Variants in C4orf33 observed in about 807,000 individuals in gnomAD.
C4orf33 encodes the protein chromosome 4 open reading frame 33.
A neutral mutation model predicts 24.3 loss-of-function variants in C4orf33; 20 were observed. The ratio of observed to expected loss-of-function variants is 0.82; its 90% confidence interval spans 0.58 to 1.19. The LOEUF (loss-of-function observed/expected upper bound fraction) is 1.19, where lower values mean the gene tolerates loss of function less well. C4orf33 is among the 50% of genes most tolerant of loss of function. C4orf33 has a pLI of 0.00. For missense variants in C4orf33, 207 were observed against 225.9 expected (o/e 0.92, Z 0.54); for synonymous variants, 67 against 76.4 (o/e 0.88, Z 0.64).
chr4:129,098,122 G>T (rs1427969779), intron 1 of C4orf33, among the ~76,000 whole-genome samples: 1 of 152,056 alleles, frequency 6.6e-6, no homozygotes, highest in African/African-American at 2.4e-5. Flanking sequence ...AAGGGAACTT[G>T]GGAAGGAGGT....
At chr4:129,093,876 T>G (rs139455782), upstream of C4orf33, 15 of 152,380 alleles carry the variant, frequency 9.8e-5, no homozygotes, top group African/African-American at 3.6e-4. Context: ...CCTCACTATC[T>G]TTGGGTTACT....
chr4:129,112,113 C>T lies in C4orf33; in HGVS notation c.*322C>T. 5.3e-6 allele frequency: 1 copy of T among 187,180 alleles called. No individual in the cohort carries two copies. Among genetic ancestry groups the T allele is most frequent in the East Asian group, 1.4e-4 (1 of 7,098 alleles). 11.6% of individuals were successfully genotyped at this position (187,180 alleles called of 1,614,324 possible). A position where few individuals can be genotyped will look rare whatever the true frequency, so the allele number is the denominator to read the frequency against. ...AACAATTGAGGTTGTCCAAGGCCACCTAGAGGACTGTCTTGCACTACCTTG... is the reference window on the plus strand; with the variant it reads ...AACAATTGAGGTTGTCCAAGGCCACTTAGAGGACTGTCTTGCACTACCTTG... On this transcript the variant is annotated 3_prime_UTR_variant, in exon 6 of 6. Coordinates refer to ENST00000425929, the MANE Select transcript of C4orf33 (RefSeq NM_001099783.2).
intron 1 of C4orf33, chr4:129,102,248 T>A (rs1753377344): frequency 6.2e-6 from 1 of 161,864 alleles, no homozygotes; most frequent in African/African-American, 2.4e-5. Context: ...AAAATGATTT[T>A]GATGCACTGT....
chr4:129,106,586 G>A lies in C4orf33; in HGVS notation c.182-1G>A. 2 of 1,500,608 alleles carry A rather than the reference G, an allele frequency of 1.3e-6. No individual in the cohort carries two copies. Among genetic ancestry groups the A allele is most frequent in the Non-Finnish European group, 1.8e-6 (2 of 1,092,880 alleles). The allele number at this position is 1,500,608 out of a possible 1,614,324, so 93.0% of individuals were successfully genotyped here. ...ATATGTTATATCTCTGTTTTCAAAA[G>A]TTGTGGAAGCATTTTTCTTGAATGA... On this transcript the variant is annotated splice_acceptor_variant, in intron 2 of 5. Transcript: ENST00000425929. LOFTEE classifies it high-confidence loss of function.
chr4:129,106,804 G>A (rs1753533123), intron 3 of C4orf33, among the ~76,000 whole-genome samples, 157 bp downstream of exon 3: 1 of 151,654 alleles, frequency 6.6e-6, no homozygotes, highest in South Asian at 2.1e-4. Flanking sequence ...TTAGTTTCAA[G>A]TACAGAGCAC....
chr4:129,116,622 T>C lies in C4orf33; in HGVS notation c.*4831T>C, dbSNP rs1213575348. 6.6e-6 allele frequency: 1 copy of C among 152,118 alleles called. No individual in the cohort carries two copies. Among genetic ancestry groups the C allele is most frequent in the Non-Finnish European group, 1.5e-5 (1 of 68,018 alleles). The allele number at this position is 152,118 out of a possible 1,614,324, so 9.4% of individuals were successfully genotyped here. ...GTCTGAGCATTCAGAGAAATAAAAA[T>C]TATGCTAAAAACAAACGTATGTTTT... is the stretch of plus-strand genomic sequence containing the variant. On this transcript the variant is annotated 3_prime_UTR_variant, in exon 6 of 6. Coordinates refer to ENST00000425929, the MANE Select transcript of C4orf33 (RefSeq NM_001099783.2).
In C4orf33 at chr4:129,115,497, T is replaced by C. The variant is rs749964043; in HGVS notation, c.*3706T>C. On this transcript the variant is annotated 3_prime_UTR_variant, in exon 6 of 6. Transcript: ENST00000425929. ...ATAGGGACAGGATTCAGTGGATAAA[T>C]ACTCCCCTTTTCCGTCCCTTGGGCA... is the stretch of plus-strand genomic sequence containing the variant. 3 of 152,050 alleles carry C rather than the reference T, an allele frequency of 2.0e-5. No homozygotes were observed. Among genetic ancestry groups the C allele is most frequent in the African/African-American group, 7.2e-5 (3 of 41,388 alleles). The allele number at this position is 152,050 out of a possible 1,614,324, so 9.4% of individuals were successfully genotyped here. A position where few individuals can be genotyped will look rare whatever the true frequency, so the allele number is the denominator to read the frequency against.
intron 2 of C4orf33, among the ~76,000 whole-genome samples, chr4:129,106,067 G>C (rs1253612086): frequency 6.6e-6 from 1 of 152,002 alleles, no homozygotes; most frequent in Admixed American, 6.6e-5. Context: ...GATTTTAATA[G>C]CTGCATTGTA....
chr4:129,115,643 A>G lies in C4orf33; in HGVS notation c.*3852A>G, dbSNP rs1295430682. ...ATGCAATCTTAGATTGGCTTGCTTT[A>G]TTTAATTTTTCCAAAGTTCCCAATC... On this transcript the variant is annotated 3_prime_UTR_variant, in exon 6 of 6. Transcript: ENST00000425929. The G allele has an allele frequency of 1.3e-5, 2 of 151,910 alleles. No individual in the cohort carries two copies. Among genetic ancestry groups the G allele is most frequent in the African/African-American group, 4.8e-5 (2 of 41,366 alleles). The allele number at this position is 151,910 out of a possible 1,614,324, so 9.4% of individuals were successfully genotyped here.
chr4:129,107,160 T>G (rs1474345352), intron 3 of C4orf33, among the ~76,000 whole-genome samples: 1 of 151,998 alleles, frequency 6.6e-6, no homozygotes, highest in African/African-American at 2.4e-5. Context: ...ATGCATTTAT[T>G]AAGTATATGC....
chr4:129,111,904 C>A lies in C4orf33; in HGVS notation c.*113C>A. On this transcript the variant is annotated 3_prime_UTR_variant, in exon 6 of 6. Coordinates refer to ENST00000425929, the MANE Select transcript of C4orf33 (RefSeq NM_001099783.2). The stretch of plus-strand genomic sequence containing the variant: ...CATACATTTCAACAACAAATATCTT[C>A]ATAGAAGTCACTGAAAATATAGTAT... 1.8e-6 allele frequency: 1 copy of A among 564,650 alleles called. No individual in the cohort carries two copies. The highest frequency in any genetic ancestry group is 3.2e-6 in the Non-Finnish European group (1 of 317,312). 35.0% of individuals were successfully genotyped at this position (564,650 alleles called of 1,614,324 possible).
In C4orf33 at chr4:129,112,714, A is replaced by G. The variant is rs1389611651; in HGVS notation, c.*923A>G. The G allele has an allele frequency of 6.6e-6, 1 of 152,228 alleles. No individual in the cohort carries two copies. The highest frequency in any genetic ancestry group is 2.4e-5 in the African/African-American group (1 of 41,470). 9.4% of individuals were successfully genotyped at this position (152,228 alleles called of 1,614,324 possible). ...CATTGAGTTTATATGTTTCCATTGA[A>G]CAATCACTAGTGATGGTTAAATGTG... On this transcript the variant is annotated 3_prime_UTR_variant, in exon 6 of 6. Transcript: ENST00000425929.
chr4:129,108,443 A>C (rs1753580839), intron 3 of C4orf33, among the ~76,000 whole-genome samples: 1 of 152,180 alleles, frequency 6.6e-6, no homozygotes, highest in African/African-American at 2.4e-5. Flanking sequence ...AGAAAGCAGG[A>C]AAACACAAGA....
At chr4:129,103,982 A>G (rs962574863) in intron 2 of C4orf33, among the ~76,000 whole-genome samples, 1 of 152,192 alleles carries the variant, frequency 6.6e-6, no homozygotes, top group Non-Finnish European at 1.5e-5. Flanking sequence ...GCATCTTCCT[A>G]ATGGAATACA....
chr4:129,111,232 C>G (rs1753685014), intron 5 of C4orf33, among the ~76,000 whole-genome samples: 1 of 152,190 alleles, frequency 6.6e-6, no homozygotes, highest in Admixed American at 6.5e-5. Flanking sequence ...GGGATTAATA[C>G]TCTTTTACAT....
At chr4:129,095,125 G>A (rs1005371608), upstream of C4orf33, among the ~76,000 whole-genome samples, 4 of 151,856 alleles carry the variant, frequency 2.6e-5, no homozygotes, top group South Asian at 6.2e-4. Context: ...TTGTTTTTGC[G>A]TTTGTGTTTG....
At chr4:129,109,122 C>G (rs1158625002) in intron 3 of C4orf33, among the ~76,000 whole-genome samples, 185 bp from the exon 4 acceptor site, 2 of 152,312 alleles carry the variant, frequency 1.3e-5, no homozygotes, top group Middle Eastern at 3.4e-3. Context: ...ATCTCCTGAC[C>G]TCGTGATCCA....
chr4:129,098,327 T>TC (rs928421506), intron 1 of C4orf33, among the ~76,000 whole-genome samples: 1 of 152,060 alleles, frequency 6.6e-6, no homozygotes, highest in Non-Finnish European at 1.5e-5. Flanking sequence ...CTTTCTTCCC[T>TC]CCCCCCTCTA....
chr4:129,095,296 T>C (rs949110726), upstream of C4orf33, among the ~76,000 whole-genome samples: 2 of 152,196 alleles, frequency 1.3e-5, no homozygotes, highest in Non-Finnish European at 2.9e-5. Flanking sequence ...TCTCCCAAGG[T>C]AGGTGCCACC....
Sources: gnomAD v4.1 joint callset for allele counts (sites outside exome capture counted in the v4.1 genomes callset) on GRCh38, gnomAD v4.1.1 for gene constraint, MANE v1.5 for transcripts, NCBI Gene and HGNC (gene_info 2026-07-23, HGNC 2026-07-21) for gene names.